MDN1: variants seen among roughly 807,000 people sequenced by gnomAD.
MDN1 encodes midasin AAA ATPase 1, also known as midasin.
A neutral mutation model predicts 669.2 loss-of-function variants in MDN1; 266 were observed. The ratio of observed to expected loss-of-function variants is 0.40; its 90% CI spans 0.36 to 0.44. The LOEUF is 0.44. MDN1 is among the 20% of genes least tolerant of loss of function. The pLI, the probability that MDN1 is intolerant of heterozygous loss-of-function variation, is 1.00. For missense variants in MDN1, 5,940 were observed against 6,754.0 expected (o/e 0.88, Z 4.22); for synonymous variants, 2,385 against 2,457.1 (o/e 0.97, Z 0.87).
chr6:89,732,330 A>G (rs766881653), intron 34 of MDN1, among the ~76,000 whole-genome samples: 1 of 151,742 alleles, frequency 6.6e-6, no homozygotes, highest in Non-Finnish European at 1.5e-5. Context: ...CATAATCACC[A>G]CTTCATGTTT....
Position 89,812,944 on chromosome 6 carries a change from T to A in MDN1, c.102+6562A>T, listed in dbSNP as rs559724260. ...TGAGACTCCCCATCTCTACAAAAAT[T>A]TTTTTTTTTTTTTGAGACGGAGTTT... On this transcript the variant is annotated intron_variant, in intron 1 of 101. Transcript: ENST00000369393. 1.0e-2 allele frequency among the ~76,000 whole-genome samples: 1,472 copies of A among 147,264 alleles called. 9 individuals carry two copies. The highest frequency in any genetic ancestry group is 0.013 in the Non-Finnish European group (897 of 66,728).
chr6:89,661,842 G>C (rs959883343), intron 87 of MDN1, among the ~76,000 whole-genome samples: 2 of 152,112 alleles, frequency 1.3e-5, no homozygotes, highest in African/African-American at 4.8e-5. Flanking sequence ...AATAAACAAG[G>C]GATCACAGGT....
chr6:89,645,937 G>T (rs538602880), intron 100 of MDN1, among the ~76,000 whole-genome samples: 1 of 152,226 alleles, frequency 6.6e-6, no homozygotes, highest in East Asian at 1.9e-4. Context: ...TGGATTAGCT[G>T]GTTTTTATAT....
intron 15 of MDN1, among the ~76,000 whole-genome samples, chr6:89,769,444 C>T (rs1817974820): frequency 6.6e-6 from 1 of 152,166 alleles, no homozygotes; most frequent in African/African-American, 2.4e-5. Flanking sequence ...AATCTCAACA[C>T]TTCAGGAGGC....
chr6:89,784,153 A>G (rs1284224490), intron 9 of MDN1, among the ~76,000 whole-genome samples: 1 of 151,784 alleles, frequency 6.6e-6, no homozygotes, highest in Non-Finnish European at 1.5e-5. Flanking sequence ...CATCTCTACT[A>G]AAAATACAAA....
Position 89,789,841 on chromosome 6 carries a change from T to A in MDN1, c.1169A>T (p.Gln390Leu), listed in dbSNP as rs748083158. Residue 390 changes from glutamine to leucine, a missense_variant, in exon 7 of 102, where the codon CAG becomes CTG. Coordinates refer to ENST00000369393, the MANE Select transcript of MDN1 (RefSeq NM_014611.3). ...GATCCAGTGGCCCATTGTGGCTGCC[T>A]GTGTCAGGGTGCCAGGCTGCCACAC... ...EFVWQPGTLT[Q>L]AATMGHWILL... 3 of 1,614,080 alleles carry A rather than the reference T, an allele frequency of 1.9e-6. No homozygotes were observed. The highest frequency in any genetic ancestry group is 1.7e-6 in the Non-Finnish European group (2 of 1,179,990).
Position 89,762,445 on chromosome 6 carries a change from G to A in MDN1, c.2230C>T (p.Gln744Ter). Reference sequence around the variant, plus strand: ...ATGTGCCCCAAGAACGTAAAGTTTTGTTTCTTGGAAAATGTCTGAGCAAAG... The same window carrying A: ...ATGTGCCCCAAGAACGTAAAGTTTTATTTCTTGGAAAATGTCTGAGCAAAG... The part of the protein sequence containing the change: ...ELFAQTFSKK[Q>*]NFTFLGHIQT... Residue 744 changes from glutamine (Q) to a stop codon, truncating the protein, a stop_gained, in exon 16 of 102, where the codon CAA becomes TAA. Transcript: ENST00000369393. LOFTEE classifies it high-confidence loss of function. 1 of 1,614,040 alleles carries A rather than the reference G, an allele frequency of 6.2e-7. No homozygotes were observed. The highest frequency in any genetic ancestry group is 8.5e-7 in the Non-Finnish European group (1 of 1,179,944).
chr6:89,714,186 A>G (rs868043096), intron 46 of MDN1, among the ~76,000 whole-genome samples: 36 of 152,288 alleles, frequency 2.4e-4, no homozygotes, highest in African/African-American at 7.9e-4. Flanking sequence ...TGTCTGCTTT[A>G]AACAACTCAA....
chr6:89,738,367 T>C lies in MDN1; in HGVS notation c.4682A>G (p.Asn1561Ser). ...GCCCAGACACAATCCTGGACGAAGATTATGACTGATGATCTGAATTAAATC... is the reference window on the plus strand; with the variant it reads ...GCCCAGACACAATCCTGGACGAAGACTATGACTGATGATCTGAATTAAATC... Reference protein sequence around the residue: ...REDLIQIISHNLRPGLCLGRI... With the variant: ...REDLIQIISHSLRPGLCLGRI... Residue 1561 changes from asparagine to serine, a missense_variant, in exon 33 of 102, where the codon AAT (asparagine) becomes AGT (serine). Physicochemically the swap from Asn to Ser is conservative, Grantham distance 46 (BLOSUM62 1). Around this residue, in one of 5 missense-constraint regions of MDN1, gnomAD observed 2,292 missense variants for 2,638.3 expected, o/e 0.87. Transcript: ENST00000369393. 1 of 1,614,040 alleles carries C rather than the reference T, an allele frequency of 6.2e-7. No homozygotes were observed. The highest frequency in any genetic ancestry group is 8.5e-7 in the Non-Finnish European group (1 of 1,179,942).
chr6:89,762,930 C>A (rs1008067408), intron 15 of MDN1, among the ~76,000 whole-genome samples: 1 of 152,068 alleles, frequency 6.6e-6, no homozygotes, highest in Non-Finnish European at 1.5e-5. Context: ...GTAGCACACA[C>A]CTGCAGTCCC....
At chr6:89,754,376 T>C (rs1158371049) in intron 20 of MDN1, 146 bp from the exon 21 acceptor site, 9 of 770,018 alleles carry the variant, frequency 1.2e-5, no homozygotes, top group Non-Finnish European at 1.8e-5. Flanking sequence ...AATATCTTAG[T>C]CTCTTTTAAA....
chr6:89,664,726 T>C lies in MDN1; in HGVS notation c.14095-98A>G, dbSNP rs180812963. On this transcript the variant is annotated intron_variant, in intron 84 of 101. Transcript: ENST00000369393. ...CCAAGGTTAATGGTGTAAAAATATA[T>C]CTGGGAGAGGAAAAAAAAAGAGAAA... The C allele has an allele frequency of 7.9e-5, 73 of 925,592 alleles. 1 individual carries two copies. In the Middle Eastern group the frequency reaches 1.1e-3, roughly 14 times the overall value. 57.3% of individuals were successfully genotyped at this position (925,592 alleles called of 1,614,324 possible).
chr6:89,685,711 A>T, intron 70 of MDN1, 116 bp downstream of exon 70: 1 of 1,102,322 alleles, frequency 9.1e-7, no homozygotes, highest in Non-Finnish European at 1.3e-6. Context: ...AAACATAACT[A>T]AATGTGTCTT....
At position 89,652,886 on chromosome 6, in the gene MDN1, A is replaced by T. The variant is rs562053860; in HGVS notation, c.15825+106T>A. 6.0e-5 allele frequency: 72 copies of T among 1,207,522 alleles called. No individual in the cohort carries two copies. In the African/African-American group the frequency reaches 1.0e-3, roughly 17 times the overall value. 74.8% of individuals were successfully genotyped at this position (1,207,522 alleles called of 1,614,324 possible). ...AAGAACATGAAACCCCTCAACAACC[A>T]GATGTTCCATAAAGTTCTAAAGACA... is the stretch of plus-strand genomic sequence containing the variant. On this transcript the variant is annotated intron_variant, in intron 94 of 101. Coordinates refer to ENST00000369393, the MANE Select transcript of MDN1 (RefSeq NM_014611.3).
In MDN1 at chr6:89,715,763, TGATGGGCTGCAGA is replaced by T; in HGVS notation, c.6744-7_6749del. 1 of 1,605,102 alleles carries T rather than the reference TGATGGGCTGCAGA, an allele frequency of 6.2e-7. No homozygotes were observed. Among genetic ancestry groups the T allele is most frequent in the South Asian group, 1.1e-5 (1 of 90,844 alleles). ...GCAAAGCATTCAAACGATCCAACAC[TGATGGGCTGCAGA>T]GACAGAATTCAGATGGTGGATAGGC... is the stretch of plus-strand genomic sequence containing the variant. On this transcript the variant is annotated splice_acceptor_variant and splice_polypyrimidine_tract_variant and coding_sequence_variant and intron_variant, in exon 45 of 102. Transcript: ENST00000369393. LOFTEE classifies it high-confidence loss of function.
intron 43 of MDN1, among the ~76,000 whole-genome samples, chr6:89,717,954 G>A: frequency 6.6e-6 from 1 of 152,074 alleles, no homozygotes; most frequent in Admixed American, 6.5e-5. Flanking sequence ...TTAATTGGAT[G>A]GCATACAGGA....
At chr6:89,710,870 G>C (rs1046660527) in intron 49 of MDN1, 76 bp from the exon 50 acceptor site, 2 of 814,756 alleles carry the variant, frequency 2.5e-6, no homozygotes, top group African/African-American at 1.8e-5. Flanking sequence ...TGATGAAAAT[G>C]TTCTACAGCT....
chr6:89,762,181 A>T (rs995645153), intron 16 of MDN1, 138 bp downstream of exon 16: 5 of 692,062 alleles, frequency 7.2e-6, no homozygotes, highest in Non-Finnish European at 1.2e-5. Flanking sequence ...AATGGGGCAC[A>T]ATACTTCACA....
intron 91 of MDN1, 134 bp downstream of exon 91, chr6:89,656,566 C>T (rs1203854582): frequency 2.2e-5 from 16 of 723,968 alleles, no homozygotes; most frequent in Admixed American, 5.0e-5. Context: ...ACCAAGGCTG[C>T]TATCATATCT....
Sources: allele counts gnomAD v4.1 joint callset (sites outside exome capture counted in the v4.1 genomes callset), GRCh38; gene constraint gnomAD v4.1.1; regional missense constraint gnomAD v4.1.1; transcripts MANE v1.5; gene names NCBI Gene and HGNC (gene_info 2026-07-23, HGNC 2026-07-21).